SAMD12: variants seen among roughly 807,000 people sequenced by gnomAD.
SAMD12 encodes the protein sterile alpha motif domain-containing protein 12.
SAMD12 carries 9 observed loss-of-function variants against 15.0 expected under a neutral mutation model. The ratio of observed to expected loss-of-function variants is 0.60; its 90% CI spans 0.36 to 1.05. The LOEUF is 1.05. SAMD12 is among the 50% of genes least tolerant of loss of function. SAMD12 has a pLI of 0.01. For synonymous variants in SAMD12, 86 were observed against 90.1 expected (o/e 0.96, Z 0.25); for missense variants, 230 against 234.2 (o/e 0.98, Z 0.12).
intron 4 of SAMD12, among the ~76,000 whole-genome samples, chr8:118,350,043 G>A (rs1008993984): frequency 1.3e-5 from 2 of 152,242 alleles, no homozygotes; most frequent in South Asian, 2.1e-4. Context: ...TAGGAGGATC[G>A]CTTGAGCCCA....
chr8:118,473,395 C>A lies in SAMD12; in HGVS notation c.193-33434G>T, dbSNP rs144046258. Among the ~76,000 whole-genome samples, 885 of 152,264 alleles carry A rather than the reference C, an allele frequency of 5.8e-3. 5 individuals are homozygous for A. The highest frequency in any genetic ancestry group is 0.02 in the African/African-American group (839 of 41,544). On this transcript the variant is annotated intron_variant, in intron 2 of 3. Transcript: ENST00000314727. Reference sequence around the variant, plus strand: ...GAGAATCTAAAGAAAATGTTCTGTGCACTCCTTCTAGACTTAAAAACACGG... The same window carrying A: ...GAGAATCTAAAGAAAATGTTCTGTGAACTCCTTCTAGACTTAAAAACACGG...
chr8:118,161,038 G>A, the SAMD12 span, among the ~76,000 whole-genome samples: 1 of 152,080 alleles, frequency 6.6e-6, no homozygotes, highest in Non-Finnish European at 1.5e-5. Context: ...GTGAGAACAT[G>A]CGGTGTTTGG....
chr8:118,482,079 T>C (rs965205632), intron 2 of SAMD12, among the ~76,000 whole-genome samples: 2 of 152,256 alleles, frequency 1.3e-5, no homozygotes, highest in East Asian at 1.9e-4. Context: ...CAAAGTATGA[T>C]GCCAAATGCC....
chr8:118,534,544 A>G (rs113908813), intron 2 of SAMD12, among the ~76,000 whole-genome samples: 3 of 152,158 alleles, frequency 2.0e-5, no homozygotes, highest in Non-Finnish European at 2.9e-5. Context: ...GTGTTTTCCA[A>G]CTTGGTTCCA....
Position 118,548,380 on chromosome 8 carries a change from CACAT to C in SAMD12, c.192+32331_192+32334del, listed in dbSNP as rs1554583398. 4.1e-4 allele frequency among the ~76,000 whole-genome samples: 44 copies of C among 107,628 alleles called. No individual in the cohort carries two copies. In the South Asian group the frequency reaches 4.3e-3, roughly 11 times the overall value. 70.6% of individuals were successfully genotyped at this position (107,628 alleles called of 152,430 possible). A position where few individuals can be genotyped will look rare whatever the true frequency, so the allele number is the denominator to read the frequency against. On this transcript the variant is annotated intron_variant, in intron 2 of 3. Transcript: ENST00000314727. ...CATAATACCCTTTACACTAAAAACACACATACACACACACACACACACACACACA... is the reference window on the plus strand; with the variant it reads ...CATAATACCCTTTACACTAAAAACACACACACACACACACACACACACACA...
chr8:118,157,951 T>C, the SAMD12 span, among the ~76,000 whole-genome samples: 9 of 152,230 alleles, frequency 5.9e-5, no homozygotes, highest in East Asian at 1.7e-3. Context: ...TGCTCCAGCT[T>C]ACTGATTGAA....
At chr8:118,357,956 C>T (rs1818312931) in intron 4 of SAMD12, among the ~76,000 whole-genome samples, 1 of 151,894 alleles carries the variant, frequency 6.6e-6, no homozygotes, top group South Asian at 2.1e-4. Context: ...CCAGTGTGGG[C>T]AATGTAGTGA....
chr8:118,358,478 A>G (rs4876812), intron 4 of SAMD12, among the ~76,000 whole-genome samples: 27,707 of 152,114 alleles, frequency 0.18, 2,726 homozygotes, highest in South Asian at 0.25. Context: ...GGCCAATTTC[A>G]GATGGTAGTG....
chr8:118,189,176 A>C (rs1256939241), downstream of SAMD12, among the ~76,000 whole-genome samples: 3 of 152,168 alleles, frequency 2.0e-5, no homozygotes, highest in Non-Finnish European at 2.9e-5. Context: ...AGAGTTCACC[A>C]GTCATTGCAA....
At chr8:118,181,330 C>T in the SAMD12 span, among the ~76,000 whole-genome samples, 4,533 of 152,320 alleles carry the variant, frequency 0.03, 90 homozygotes, top group South Asian at 0.075. Context: ...GTGGAGGTCA[C>T]AATACTCACT....
At chr8:118,361,833 T>A (rs993723880) in intron 4 of SAMD12, among the ~76,000 whole-genome samples, 1 of 152,192 alleles carries the variant, frequency 6.6e-6, no homozygotes, top group African/African-American at 2.4e-5. Context: ...TAAATTGATG[T>A]AAGAGACATT....
intron 4 of SAMD12, among the ~76,000 whole-genome samples, chr8:118,314,898 C>T (rs775004566): frequency 6.6e-6 from 1 of 152,160 alleles, no homozygotes; most frequent in Non-Finnish European, 1.5e-5. Flanking sequence ...TTTGTATGAA[C>T]ATAGGTTTTT....
downstream of SAMD12, among the ~76,000 whole-genome samples, chr8:118,373,030 G>A (rs1819186696): frequency 6.6e-6 from 1 of 152,076 alleles, no homozygotes; most frequent in Non-Finnish European, 1.5e-5. Context: ...AGGAGCATTG[G>A]GAGAGTATTT....
At chr8:118,136,927 A>C in the SAMD12 span, among the ~76,000 whole-genome samples, 65 of 152,314 alleles carry the variant, frequency 4.3e-4, no homozygotes, top group African/African-American at 7.2e-4. Context: ...TTGGCAATAG[A>C]GATTCCTCTG....
the SAMD12 span, among the ~76,000 whole-genome samples, chr8:118,152,879 G>A: frequency 1.8e-4 from 27 of 152,274 alleles, no homozygotes; most frequent in East Asian, 3.1e-3. Context: ...TGCTTTATGC[G>A]ACACAAGTAC....
At chr8:118,323,774 T>C (rs1016698259) in intron 4 of SAMD12, among the ~76,000 whole-genome samples, 1 of 151,948 alleles carries the variant, frequency 6.6e-6, no homozygotes, top group African/African-American at 2.4e-5. Flanking sequence ...GTCTTCTTTA[T>C]GCCTCACTTT....
chr8:118,445,230 C>G lies in SAMD12; in HGVS notation c.193-5269G>C, dbSNP rs1822877816. ...TAGCAGTTTTTAATGCTCATTCACC[C>G]AAAAAAGGTCACTAAATATCAGGAA... On this transcript the variant is annotated intron_variant, in intron 2 of 3. Transcript: ENST00000314727. 3.9e-5 allele frequency among the ~76,000 whole-genome samples: 6 copies of G among 152,000 alleles called. No homozygotes were observed. The South Asian group carries it at 1.0e-3, about 26-fold the overall frequency.
chr8:118,420,937 T>G (rs1171010995), intron 3 of SAMD12, among the ~76,000 whole-genome samples: 1 of 152,216 alleles, frequency 6.6e-6, no homozygotes, highest in East Asian at 1.9e-4. Context: ...ATACAACCAC[T>G]TCTTTCATTT....
intron 2 of SAMD12, among the ~76,000 whole-genome samples, chr8:118,529,803 T>C (rs1293737317): frequency 6.6e-6 from 1 of 152,146 alleles, no homozygotes; most frequent in Non-Finnish European, 1.5e-5. Flanking sequence ...AGGGTCTCAC[T>C]GTGTTGTTCA....
Sources: allele counts gnomAD v4.1 joint callset (sites outside exome capture counted in the v4.1 genomes callset), GRCh38; gene constraint gnomAD v4.1.1; transcripts MANE v1.5; gene names NCBI Gene and HGNC (gene_info 2026-07-23, HGNC 2026-07-21).